The following PTH2R variants were observed in gnomAD, a reference collection of about 807,000 sequenced individuals.
PTH2R encodes the protein parathyroid hormone 2 receptor.
A neutral mutation model predicts 60.3 loss-of-function variants in PTH2R; 59 were observed. The ratio of observed to expected loss-of-function variants is 0.98; its 90% CI spans 0.79 to 1.22. The LOEUF (loss-of-function observed/expected upper bound fraction) is 1.22, where lower values mean the gene tolerates loss of function less well. Among genes scored for constraint, PTH2R ranks in the 50% most tolerant of loss-of-function variants. The probability of loss-of-function intolerance (pLI) is 0.00; values close to 1 mark genes in which losing one functional copy is unlikely to be tolerated. For missense variants in PTH2R, 749 were observed against 682.6 expected (o/e 1.10, Z -1.08); for synonymous variants, 256 against 243.8 (o/e 1.05, Z -0.47).
chr2:208,396,607 T>TA (rs1266680469), intron 1 of PTH2R, among the ~76,000 whole-genome samples: 5 of 152,142 alleles, frequency 3.3e-5, no homozygotes, highest in African/African-American at 1.2e-4. Flanking sequence ...CACAATGAGA[T>TA]ACCATCTCAT....
intron 2 of PTH2R, among the ~76,000 whole-genome samples, chr2:208,433,667 G>A (rs554770317): frequency 6.6e-6 from 1 of 151,994 alleles, no homozygotes; most frequent in Non-Finnish European, 1.5e-5. Flanking sequence ...AGAGAGAAAA[G>A]GATATATAAA....
At chr2:208,428,118 G>T in intron 1 of PTH2R, 83 bp from the exon 2 acceptor site, 2 of 996,634 alleles carry the variant, frequency 2.0e-6, no homozygotes, top group Non-Finnish European at 1.5e-6. Flanking sequence ...TTTTCAATTA[G>T]ATTAGAAGGT....
chr2:208,419,714 AG>A (rs1455018053), intron 1 of PTH2R, among the ~76,000 whole-genome samples: 3 of 152,210 alleles, frequency 2.0e-5, no homozygotes, highest in African/African-American at 7.2e-5. Flanking sequence ...GGTGTAAGGA[AG>A]GGATCCAGTT....
chr2:208,485,346 T>C (rs1042936016), intron 10 of PTH2R, among the ~76,000 whole-genome samples: 10 of 152,146 alleles, frequency 6.6e-5, no homozygotes, highest in African/African-American at 2.4e-4. Context: ...GACCACACCA[T>C]GTTTCCAGCA....
intron 4 of PTH2R, among the ~76,000 whole-genome samples, chr2:208,441,570 T>G (rs1476630992): frequency 3.3e-5 from 5 of 152,196 alleles, no homozygotes; most frequent in Non-Finnish European, 7.3e-5. Flanking sequence ...TCTTAAAAGA[T>G]CCCATACTGT....
At chr2:208,362,261 C>T (rs1482302982) in intron 1 of PTH2R, among the ~76,000 whole-genome samples, 13 of 149,212 alleles carry the variant, frequency 8.7e-5, no homozygotes, top group Admixed American at 8.0e-4. Context: ...TTTCCTAGTT[C>T]TCTAGCTTGC....
chr2:208,484,889 A>T (rs1227464031), intron 10 of PTH2R, among the ~76,000 whole-genome samples: 1 of 152,186 alleles, frequency 6.6e-6, no homozygotes, highest in Non-Finnish European at 1.5e-5. Flanking sequence ...GAATAAAATG[A>T]AGCAAACAGC....
At chr2:208,481,000 A>G in intron 9 of PTH2R, 70 bp from the exon 10 acceptor site, 1 of 1,167,126 alleles carries the variant, frequency 8.6e-7, no homozygotes, top group Non-Finnish European at 1.2e-6. Context: ...AAAAATTTCA[A>G]TTTATGTAAA....
At chr2:208,436,364 T>A (rs1444781751) in intron 2 of PTH2R, among the ~76,000 whole-genome samples, 1 of 152,196 alleles carries the variant, frequency 6.6e-6, no homozygotes, top group Non-Finnish European at 1.5e-5. Context: ...GTTTTGATAA[T>A]GCCTGTTGGA....
At chr2:208,417,075 T>C (rs142357325) in intron 1 of PTH2R, among the ~76,000 whole-genome samples, 2 of 152,308 alleles carry the variant, frequency 1.3e-5, no homozygotes, top group East Asian at 3.9e-4. Context: ...AAAAAGAGTT[T>C]AGTTTTAGGT....
intron 1 of PTH2R, among the ~76,000 whole-genome samples, chr2:208,427,505 C>T (rs1036341283): frequency 5.9e-5 from 9 of 152,018 alleles, no homozygotes; most frequent in Admixed American, 6.5e-5. Context: ...AAAAAAAAAT[C>T]GTTAAAGTAA....
chr2:208,376,162 G>A (rs1042665417), intron 1 of PTH2R, among the ~76,000 whole-genome samples: 9 of 152,062 alleles, frequency 5.9e-5, no homozygotes, highest in Admixed American at 6.5e-5. Context: ...ATTTAGCCTC[G>A]TGGTATTTCT....
chr2:208,419,502 T>G (rs1701707644), intron 1 of PTH2R, among the ~76,000 whole-genome samples: 1 of 152,226 alleles, frequency 6.6e-6, no homozygotes, highest in Non-Finnish European at 1.5e-5. Context: ...TGGTTTCTTT[T>G]GCTGTGCAGA....
At chr2:208,376,617 C>T (rs1700796211) in intron 1 of PTH2R, among the ~76,000 whole-genome samples, 1 of 151,906 alleles carries the variant, frequency 6.6e-6, no homozygotes, top group Non-Finnish European at 1.5e-5. Context: ...GCTTCCTAGC[C>T]CACACAATTA....
upstream of PTH2R, among the ~76,000 whole-genome samples, chr2:208,403,614 T>C (rs1701349096): frequency 1.3e-5 from 2 of 152,200 alleles, no homozygotes; most frequent in South Asian, 4.1e-4. Context: ...CAGTTATTAT[T>C]GGTGTGTAGC....
chr2:208,468,438 A>G (rs926145983), intron 9 of PTH2R, among the ~76,000 whole-genome samples: 3 of 152,138 alleles, frequency 2.0e-5, no homozygotes, highest in Admixed American at 6.6e-5. Flanking sequence ...CAATGTCCCT[A>G]CCCAATGAAC....
intron 1 of PTH2R, among the ~76,000 whole-genome samples, chr2:208,379,955 AG>A (rs1700881128): frequency 1.3e-5 from 2 of 152,008 alleles, no homozygotes; most frequent in African/African-American, 4.8e-5. Flanking sequence ...TCAAAGGCTC[AG>A]AATCATCCCA....
At position 208,481,149 on chromosome 2, in the gene PTH2R, C is replaced by A. The variant is rs1437130620; in HGVS notation, c.1061C>A (p.Thr354Lys). 3 of 1,605,392 alleles carry A rather than the reference C, an allele frequency of 1.9e-6. No homozygotes were observed. Among genetic ancestry groups the A allele is most frequent in the Non-Finnish European group, 2.6e-6 (3 of 1,173,240 alleles). ...GAGACCAATGCAGTTGGGCATGACACAAGGAAGCAATACAGGTAATTTCAG... is the reference window on the plus strand; with the variant it reads ...GAGACCAATGCAGTTGGGCATGACAAAAGGAAGCAATACAGGTAATTTCAG... Reference protein sequence around the residue: ...IWETNAVGHDTRKQYRKLAKS... With the variant: ...IWETNAVGHDKRKQYRKLAKS... Residue 354 changes from threonine (T) to lysine (K), a missense_variant, in exon 10 of 13, where the codon ACA becomes AAA. By Grantham distance (78) the Thr-to-Lys change is moderately conservative. Transcript: ENST00000272847.
At chr2:208,455,359 G>A (rs1254858220) in intron 8 of PTH2R, among the ~76,000 whole-genome samples, 1 of 152,150 alleles carries the variant, frequency 6.6e-6, no homozygotes, top group Non-Finnish European at 1.5e-5. Context: ...TTAGAGATAA[G>A]TAAAATGTGA....
Sources: allele counts gnomAD v4.1 joint callset (sites outside exome capture counted in the v4.1 genomes callset), GRCh38; gene constraint gnomAD v4.1.1; transcripts MANE v1.5; gene names NCBI Gene and HGNC (gene_info 2026-07-23, HGNC 2026-07-21).